PTPRT: variants seen among roughly 807,000 people sequenced by gnomAD.
PTPRT encodes protein tyrosine phosphatase receptor type T.
A neutral mutation model predicts 176.8 loss-of-function variants in PTPRT; 56 were observed. The observed-to-expected ratio is 0.32, with a 90% CI of 0.26 to 0.40. PTPRT has a LOEUF of 0.40. Among genes scored for constraint, PTPRT ranks in the 10% least tolerant of loss-of-function variants. The pLI is 1.00. For missense variants in PTPRT, 1,540 were observed against 1,908.2 expected, an observed-to-expected ratio of 0.81 and a Z score of 3.60; for synonymous variants, 783 against 739.0, an observed-to-expected ratio of 1.06 and a Z score of -0.96.
At chr20:42,471,119 G>A (rs1302578091) in intron 8 of PTPRT, among the ~76,000 whole-genome samples, 1 of 152,104 alleles carries the variant, frequency 6.6e-6, no homozygotes, top group African/African-American at 2.4e-5. Flanking sequence ...AGTTCTGGGT[G>A]GATCCAATGT....
intron 6 of PTPRT, among the ~76,000 whole-genome samples, chr20:42,729,997 T>C (rs867887489): frequency 2.0e-5 from 3 of 152,208 alleles, no homozygotes; most frequent in Admixed American, 6.5e-5. Context: ...ATACAATTCC[T>C]AGTCCTCCCA....
chr20:42,931,047 TA>T (rs1979816733), intron 1 of PTPRT, among the ~76,000 whole-genome samples: 1 of 152,034 alleles, frequency 6.6e-6, no homozygotes, highest in South Asian at 2.1e-4. Flanking sequence ...CCACCACCAA[TA>T]TCCCTGGCAG....
intron 1 of PTPRT, among the ~76,000 whole-genome samples, chr20:42,896,988 G>C (rs531749428): frequency 6.6e-6 from 1 of 151,976 alleles, no homozygotes; most frequent in Non-Finnish European, 1.5e-5. Flanking sequence ...AGTGTGTGCC[G>C]GGGGGGTGTT....
At chr20:42,552,930 C>G in intron 7 of PTPRT, among the ~76,000 whole-genome samples, 1 of 152,068 alleles carries the variant, frequency 6.6e-6, no homozygotes. Context: ...GAAAAATAGT[C>G]TCAGGTACTG....
chr20:42,590,113 T>A (rs1318262977), intron 7 of PTPRT, among the ~76,000 whole-genome samples: 1 of 152,174 alleles, frequency 6.6e-6, no homozygotes, highest in Non-Finnish European at 1.5e-5. Flanking sequence ...CCAGCCACTA[T>A]GCTGGGAGGA....
intron 16 of PTPRT, among the ~76,000 whole-genome samples, chr20:42,168,537 T>C (rs865846924): frequency 2.8e-4 from 43 of 152,182 alleles, no homozygotes; most frequent in African/African-American, 9.9e-4. Context: ...CACTAACCTA[T>C]TGCCAGAATC....
At chr20:42,646,302 T>C (rs189042688) in intron 7 of PTPRT, among the ~76,000 whole-genome samples, 70 of 152,342 alleles carry the variant, frequency 4.6e-4, no homozygotes, top group African/African-American at 1.5e-3. Flanking sequence ...GTGTGCTTTA[T>C]GGACCATGGA....
At chr20:43,170,466 T>C (rs999340592) in intron 1 of PTPRT, among the ~76,000 whole-genome samples, 6 of 152,168 alleles carry the variant, frequency 3.9e-5, no homozygotes, top group Middle Eastern at 3.2e-3. Flanking sequence ...TGAAAAGATC[T>C]CCAACAATGG....
chr20:43,103,105 C>T (rs953733102), intron 1 of PTPRT, among the ~76,000 whole-genome samples: 1 of 152,052 alleles, frequency 6.6e-6, no homozygotes, highest in Non-Finnish European at 1.5e-5. Flanking sequence ...TGCCATCTGC[C>T]AAACCACACA....
intron 1 of PTPRT, among the ~76,000 whole-genome samples, chr20:42,980,328 G>A (rs563761710): frequency 2.6e-5 from 4 of 152,262 alleles, no homozygotes; most frequent in South Asian, 4.2e-4. Context: ...GATCCAACAC[G>A]GTCTCATTCT....
intron 1 of PTPRT, among the ~76,000 whole-genome samples, chr20:43,180,609 A>C (rs2015232891): frequency 2.0e-5 from 3 of 152,110 alleles, no homozygotes; most frequent in Non-Finnish European, 4.4e-5. Flanking sequence ...GACTACAGGC[A>C]CACACCATCA....
chr20:43,175,733 C>T (rs879009144), intron 1 of PTPRT, among the ~76,000 whole-genome samples: 4 of 72,280 alleles, frequency 5.5e-5, no homozygotes, highest in African/African-American at 1.8e-4. Context: ...GGCAACAGAG[C>T]GAGACCCTGG....
chr20:42,041,679 C>T, the PTPRT span, among the ~76,000 whole-genome samples: 4 of 152,240 alleles, frequency 2.6e-5, no homozygotes, highest in Non-Finnish European at 4.4e-5. Context: ...CCTCTTTCTG[C>T]GCTCAATGTT....
chr20:43,174,336 T>G (rs184059118), intron 1 of PTPRT, among the ~76,000 whole-genome samples: 18 of 152,348 alleles, frequency 1.2e-4, no homozygotes, highest in East Asian at 7.7e-4. Context: ...AACAGTGTTA[T>G]GAAAACTCAA....
In PTPRT at chr20:42,777,903, C is replaced by T. The variant is rs117849304; in HGVS notation, c.568+2315G>A. ...TCCAGCCACTCCTATGGGGTCTTCA[C>T]ATCATGCTTTCTGGGAAGTTTATGC... is the stretch of plus-strand genomic sequence containing the variant. On this transcript the variant is annotated intron_variant, in intron 4 of 30. Transcript: ENST00000373187. Among the ~76,000 whole-genome samples, 407 of 152,298 alleles carry T rather than the reference C, an allele frequency of 2.7e-3. 3 individuals are homozygous for T. The highest frequency in any genetic ancestry group is 0.024 in the East Asian group (122 of 5,178).
intron 16 of PTPRT, among the ~76,000 whole-genome samples, chr20:42,183,928 G>A (rs1260607168): frequency 6.6e-6 from 1 of 152,174 alleles, no homozygotes; most frequent in Admixed American, 6.5e-5. Context: ...CCATGAGTCT[G>A]TCCTGTTGCT....
intron 9 of PTPRT, among the ~76,000 whole-genome samples, chr20:42,405,447 G>GT (rs1371824534): frequency 1.3e-5 from 2 of 152,052 alleles, no homozygotes; most frequent in African/African-American, 2.4e-5. Context: ...GCAGTGTTTG[G>GT]TTTTTTGTCC....
chr20:42,266,411 C>T, intron 13 of PTPRT, among the ~76,000 whole-genome samples: 1 of 152,132 alleles, frequency 6.6e-6, no homozygotes. Flanking sequence ...TCCAGGCCAC[C>T]CCCTTGAGGC....
chr20:43,075,899 T>C (rs1173782414), intron 1 of PTPRT, among the ~76,000 whole-genome samples: 1 of 152,204 alleles, frequency 6.6e-6, no homozygotes, highest in African/African-American at 2.4e-5. Context: ...AAGCAGGAAA[T>C]GTGAGTTCCC....
Sources: gnomAD v4.1 joint callset for allele counts (sites outside exome capture counted in the v4.1 genomes callset) on GRCh38, gnomAD v4.1.1 for gene constraint, MANE v1.5 for transcripts, NCBI Gene and HGNC (gene_info 2026-07-23, HGNC 2026-07-21) for gene names.